The following TIMELESS variants were observed in gnomAD, a reference collection of about 807,000 sequenced individuals.
TIMELESS encodes the protein protein timeless homolog.
A neutral mutation model predicts 164.3 loss-of-function variants in TIMELESS; 124 were observed. That is an observed-to-expected ratio of 0.75 (90% CI 0.65 to 0.88). TIMELESS has a LOEUF of 0.88. Among genes scored for constraint, TIMELESS ranks in the 40% least tolerant of loss-of-function variants. The pLI, the probability that TIMELESS is intolerant of heterozygous loss-of-function variation, is 0.00. For synonymous variants in TIMELESS, 564 were observed against 563.4 expected (o/e 1.00, Z -0.02); for missense variants, 1,422 against 1,491.4 (o/e 0.95, Z 0.77).
chr12:56,443,688 G>A (rs1164948858), intron 1 of TIMELESS, among the ~76,000 whole-genome samples: 6 of 152,090 alleles, frequency 3.9e-5, no homozygotes. Flanking sequence ...CGCCATCATG[G>A]TCCTACCAAT....
At position 56,417,251 on chromosome 12, in the gene TIMELESS, T is replaced by C. The variant is rs1014961350; in HGVS notation, c.*465A>G. Reference sequence around the variant, plus strand: ...CTATCTGGTATCTAGAGGATGATCATAGGAAACAAAATGAGGACAGAGGCA... The same window carrying C: ...CTATCTGGTATCTAGAGGATGATCACAGGAAACAAAATGAGGACAGAGGCA... On this transcript the variant is annotated 3_prime_UTR_variant, in exon 29 of 29. Coordinates refer to ENST00000553532, the MANE Select transcript of TIMELESS (RefSeq NM_003920.5). The C allele has an allele frequency of 1.8e-5, 3 of 168,994 alleles. No individual in the cohort carries two copies. The highest frequency in any genetic ancestry group is 3.9e-5 in the Non-Finnish European group (3 of 77,056). 10.5% of individuals were successfully genotyped at this position (168,994 alleles called of 1,614,324 possible).
At chr12:56,446,610 C>G (rs1184424062) in intron 1 of TIMELESS, among the ~76,000 whole-genome samples, 2 of 151,978 alleles carry the variant, frequency 1.3e-5, no homozygotes, top group South Asian at 2.1e-4. Context: ...GCGGATGGAT[C>G]GCCTGAGGTC....
At chr12:56,443,003 T>C (rs1329443676) in intron 1 of TIMELESS, among the ~76,000 whole-genome samples, 1 of 152,228 alleles carries the variant, frequency 6.6e-6, no homozygotes, top group Non-Finnish European at 1.5e-5. Flanking sequence ...ATGTATGTCA[T>C]CTCAGGACCC....
chr12:56,420,959 T>A lies in TIMELESS; in HGVS notation c.3040+4A>T, dbSNP rs1881458389. On this transcript the variant is annotated splice_donor_region_variant and intron_variant, in intron 24 of 28. Transcript: ENST00000553532. ...GAGACATCTCTCCCAGCCAAAGTCC[T>A]CACCTTCCTGATGCAGGCTTTGACC... is the stretch of plus-strand genomic sequence containing the variant. 1.2e-6 allele frequency: 2 copies of A among 1,614,054 alleles called. No individual in the cohort carries two copies. The highest frequency in any genetic ancestry group is 3.3e-5 in the Admixed American group (2 of 59,994).
In TIMELESS at chr12:56,422,124, C is replaced by T. The variant is rs754503482; in HGVS notation, c.2506G>A (p.Ala836Thr). ...CTCTCACCTTCCACGTCCTTATTGG[C>T]GAGGTACAGCTCCCGAAGATGAGCC... ...EEAHLRELYLANKDVEGQDVV... is the reference protein window; with the variant it reads ...EEAHLRELYLTNKDVEGQDVV... Residue 836 changes from alanine to threonine, a missense_variant, in exon 20 of 29, where the codon GCC becomes ACC. Ala to Thr is a moderately conservative substitution (Grantham distance 58, BLOSUM62 0). Transcript: ENST00000553532. 6.0e-5 allele frequency: 97 copies of T among 1,613,956 alleles called. No homozygotes were observed. The highest frequency in any genetic ancestry group is 1.1e-4 in the South Asian group (10 of 91,086).
At position 56,417,743 on chromosome 12, in the gene TIMELESS, G is replaced by T; in HGVS notation, c.3600C>A (p.Tyr1200Ter). ...AGTCATCCTCATCATCCTCAATCTGGTATCGTTTCTTCTTTTGGATTCCTG... is the reference window on the plus strand; with the variant it reads ...AGTCATCCTCATCATCCTCAATCTGTTATCGTTTCTTCTTTTGGATTCCTG... ...GAPGIQKKKR[Y>*]QIEDDEDD is the part of the protein sequence containing the mutation. Residue 1200 changes from tyrosine to a stop codon, truncating the protein, a stop_gained, in exon 29 of 29, where the codon TAC becomes TAA. Coordinates refer to ENST00000553532, the MANE Select transcript of TIMELESS (RefSeq NM_003920.5). LOFTEE classifies it high-confidence loss of function. The T allele has an allele frequency of 6.2e-7, 1 of 1,614,104 alleles. No homozygotes were observed. The highest frequency in any genetic ancestry group is 8.5e-7 in the Non-Finnish European group (1 of 1,180,028).
At chr12:56,442,307 T>C (rs907726421) in intron 1 of TIMELESS, among the ~76,000 whole-genome samples, 3 of 152,066 alleles carry the variant, frequency 2.0e-5, no homozygotes, top group Non-Finnish European at 2.9e-5. Flanking sequence ...CAGCTGGGAA[T>C]AGGATGGGCA....
intron 11 of TIMELESS, 77 bp from the exon 12 acceptor site, chr12:56,428,729 G>GAAA: frequency 8.6e-7 from 1 of 1,162,210 alleles, no homozygotes; most frequent in Non-Finnish European, 1.2e-6. Flanking sequence ...TTCCCACAGC[G>GAAA]AAAAAAAAAA....
Position 56,417,771 on chromosome 12 carries a change from G to A in TIMELESS, c.3572C>T (p.Ala1191Val). 6.2e-7 allele frequency: 1 copy of A among 1,614,130 alleles called. No homozygotes were observed. The highest frequency in any genetic ancestry group is 8.5e-7 in the Non-Finnish European group (1 of 1,180,028). Residue 1191 changes from alanine (A) to valine (V), a missense_variant, in exon 29 of 29, where the codon GCT becomes GTT. By Grantham distance (64) the Ala-to-Val change is moderately conservative. Transcript: ENST00000553532. ...TCGTTTCTTCTTTTGGATTCCTGGA[G>A]CTCCCAACTCTGGTGCTGTGGGAAC... Reference protein sequence around the residue: ...EGRNRAPELGAPGIQKKKRYQ... With the variant: ...EGRNRAPELGVPGIQKKKRYQ...
At chr12:56,428,784 G>C in intron 11 of TIMELESS, 99 bp downstream of exon 11, 1 of 1,490,844 alleles carries the variant, frequency 6.7e-7, no homozygotes, top group Non-Finnish European at 9.3e-7. Flanking sequence ...TTGCTCCCCA[G>C]ACTGATCACC....
At position 56,417,510 on chromosome 12, in the gene TIMELESS, G is replaced by T. The variant is rs530192128; in HGVS notation, c.*206C>A. 3 of 568,744 alleles carry T rather than the reference G, an allele frequency of 5.3e-6. No individual in the cohort carries two copies. Among genetic ancestry groups the T allele is most frequent in the Admixed American group, 6.0e-5 (2 of 33,062 alleles). The allele number at this position is 568,744 out of a possible 1,614,324, so 35.2% of individuals were successfully genotyped here. ...CTCCAGAGAGCTGCTGGGGCATACC[G>T]ATAAAAACTGGGAGAAACAAAGACT... On this transcript the variant is annotated 3_prime_UTR_variant, in exon 29 of 29. Transcript: ENST00000553532.
chr12:56,437,896 C>T (rs560454164), intron 1 of TIMELESS, among the ~76,000 whole-genome samples: 1 of 152,212 alleles, frequency 6.6e-6, no homozygotes, highest in East Asian at 1.9e-4. Context: ...ACACACCCAT[C>T]AATCAAAAAG....
intron 1 of TIMELESS, among the ~76,000 whole-genome samples, chr12:56,440,287 C>T (rs1040990014): frequency 7.9e-5 from 12 of 151,924 alleles, no homozygotes; most frequent in South Asian, 2.1e-4. Flanking sequence ...TACAGGCACG[C>T]GCCACCATGC....
intron 6 of TIMELESS, 91 bp downstream of exon 6, chr12:56,432,935 C>G (rs1881939751): frequency 1.6e-5 from 14 of 893,456 alleles, no homozygotes; most frequent in Middle Eastern, 4.7e-4. Context: ...AGCCTGGCGA[C>G]AGAGAGAGAC....
At position 56,430,036 on chromosome 12, in the gene TIMELESS, C is replaced by T. The variant is rs557133651; in HGVS notation, c.1086+69G>A. 39 of 1,492,312 alleles carry T rather than the reference C, an allele frequency of 2.6e-5. No individual in the cohort carries two copies. The African/African-American group carries it at 3.8e-4, about 15-fold the overall frequency. 92.4% of individuals were successfully genotyped at this position (1,492,312 alleles called of 1,614,324 possible). A position where few individuals can be genotyped will look rare whatever the true frequency, so the allele number is the denominator to read the frequency against. The stretch of plus-strand genomic sequence containing the variant: ...CCCGAGCTCCTCCCCACTTCTTACC[C>T]ACCAACAGCTGCATCATCACCTGTC... On this transcript the variant is annotated intron_variant, in intron 10 of 28. Transcript: ENST00000553532.
chr12:56,428,729 G>T, intron 11 of TIMELESS, 77 bp from the exon 12 acceptor site: 1 of 1,162,224 alleles, frequency 8.6e-7, no homozygotes. Flanking sequence ...TTCCCACAGC[G>T]AAAAAAAAAA....
At chr12:56,429,131 C>A (rs370693217) in intron 10 of TIMELESS, 31 bp from the exon 11 acceptor site, 50 of 1,577,626 alleles carry the variant, frequency 3.2e-5, no homozygotes, top group Non-Finnish European at 4.1e-5. Flanking sequence ...AAAAAGATCA[C>A]CATGACTCCA....
At position 56,418,287 on chromosome 12, in the gene TIMELESS, G is replaced by A. The variant is rs1216560467; in HGVS notation, c.3301C>T (p.Pro1101Ser). 1.2e-6 allele frequency: 2 copies of A among 1,614,152 alleles called. No homozygotes were observed. Among genetic ancestry groups the A allele is most frequent in the South Asian group, 1.1e-5 (1 of 91,082 alleles). ...LRRAAASLSQ[P>S]EEEQKLQPEL... ...GGCTGCAGCTTCTGTTCCTCCTCTG[G>A]TTGACTCAAAGAAGCTGCTGCCCTC... The change falls in exon 27 of 29, where the codon CCA becomes TCA. Residue 1101 changes from proline (P) to serine (S), a missense_variant. Transcript: ENST00000553532.
At chr12:56,425,562 G>C (rs1481555467) in intron 13 of TIMELESS, among the ~76,000 whole-genome samples, 1 of 152,128 alleles carries the variant, frequency 6.6e-6, no homozygotes, top group Non-Finnish European at 1.5e-5. Flanking sequence ...TGTAAATAAA[G>C]CCTCTAATTT....
Sources: gnomAD v4.1 joint callset for allele counts (sites outside exome capture counted in the v4.1 genomes callset) on GRCh38, gnomAD v4.1.1 for gene constraint, MANE v1.5 for transcripts, NCBI Gene and HGNC (gene_info 2026-07-23, HGNC 2026-07-21) for gene names.